The following MEGF11 variants were observed in gnomAD, a reference collection of about 807,000 sequenced individuals.
MEGF11 encodes multiple epidermal growth factor-like domains protein 11.
In MEGF11, 126 loss-of-function variants were observed where a neutral mutation model predicts 146.6. That is an observed-to-expected ratio of 0.86 (90% CI 0.74 to 1.00). The LOEUF is 1.00. Ranked by LOEUF, MEGF11 falls within the 50% of genes least tolerant of loss-of-function variation. MEGF11 has a pLI of 0.00. For synonymous variants in MEGF11, 532 were observed against 583.4 expected, an observed-to-expected ratio of 0.91 and a Z score of 1.27; for missense variants, 1,509 against 1,521.2, an observed-to-expected ratio of 0.99 and a Z score of 0.13.
At chr15:66,200,223 C>T (rs1305893944) in intron 1 of MEGF11, among the ~76,000 whole-genome samples, 1 of 152,226 alleles carries the variant, frequency 6.6e-6, no homozygotes, top group Non-Finnish European at 1.5e-5. Context: ...CCCTGCTTTA[C>T]GGAATCACAG....
chr15:66,054,952 A>G (rs28482835), intron 5 of MEGF11, among the ~76,000 whole-genome samples: 7,003 of 152,314 alleles, frequency 0.046, 251 homozygotes, highest in African/African-American at 0.1. Flanking sequence ...CAAGATTATA[A>G]AAGAGGCTAT....
chr15:65,974,501 A>T (rs2081390452), intron 7 of MEGF11, among the ~76,000 whole-genome samples: 1 of 152,136 alleles, frequency 6.6e-6, no homozygotes. Context: ...CTAGTAAAAA[A>T]TACAAAAATC....
At chr15:66,096,861 A>T (rs1313839369) in intron 4 of MEGF11, among the ~76,000 whole-genome samples, 1 of 152,168 alleles carries the variant, frequency 6.6e-6, no homozygotes, top group Non-Finnish European at 1.5e-5. Flanking sequence ...TCCACACTGC[A>T]CTGCCTTTTC....
chr15:66,216,520 A>T (rs905389751), intron 1 of MEGF11, among the ~76,000 whole-genome samples: 1 of 152,094 alleles, frequency 6.6e-6, no homozygotes, highest in Non-Finnish European at 1.5e-5. Flanking sequence ...GGAAGACAAG[A>T]TGCTTCCTGC....
At chr15:66,208,523 A>G (rs933438285) in intron 1 of MEGF11, among the ~76,000 whole-genome samples, 8 of 152,244 alleles carry the variant, frequency 5.3e-5, no homozygotes, top group African/African-American at 1.9e-4. Context: ...ACTAATTAAA[A>G]GAGAAATTGA....
At chr15:65,916,771 C>A in intron 17 of MEGF11, 57 bp downstream of exon 17, 1 of 1,587,756 alleles carries the variant, frequency 6.3e-7, no homozygotes. Flanking sequence ...CCCACAGTGG[C>A]CAGTAGGCCG....
At chr15:66,054,265 A>G (rs1313592448) in intron 5 of MEGF11, among the ~76,000 whole-genome samples, 1 of 152,166 alleles carries the variant, frequency 6.6e-6, no homozygotes. Flanking sequence ...ACTCTAGCCA[A>G]CCATGTGAAA....
At chr15:66,151,889 C>T (rs1440001603) in intron 1 of MEGF11, among the ~76,000 whole-genome samples, 11 of 152,266 alleles carry the variant, frequency 7.2e-5, no homozygotes, top group Non-Finnish European at 1.2e-4. Flanking sequence ...TGCCCAGATG[C>T]TCTTCATCAG....
chr15:66,002,259 GCTAC>G (rs1343200562), intron 5 of MEGF11, among the ~76,000 whole-genome samples: 1 of 152,160 alleles, frequency 6.6e-6, no homozygotes, highest in Non-Finnish European at 1.5e-5. Flanking sequence ...GTTCTAGCTG[GCTAC>G]CTGTCATCAC....
chr15:66,245,933 C>G (rs1272796827), intron 1 of MEGF11, among the ~76,000 whole-genome samples: 2 of 151,906 alleles, frequency 1.3e-5, no homozygotes, highest in African/African-American at 4.8e-5. Context: ...TTTCTCATGT[C>G]AGAAGGGAGA....
At chr15:66,128,136 A>G (rs894064001) in intron 2 of MEGF11, among the ~76,000 whole-genome samples, 170 bp downstream of exon 2, 3 of 151,082 alleles carry the variant, frequency 2.0e-5, no homozygotes, top group African/African-American at 7.3e-5. Flanking sequence ...GACCTTCCAG[A>G]CAGAATCTAC....
chr15:66,119,821 G>A (rs2087931179), intron 3 of MEGF11, among the ~76,000 whole-genome samples: 1 of 152,134 alleles, frequency 6.6e-6, no homozygotes, highest in African/African-American at 2.4e-5. Context: ...GGCCCATGGA[G>A]CTGCAGCACT....
At chr15:66,162,520 G>A (rs931840928) in intron 1 of MEGF11, among the ~76,000 whole-genome samples, 1 of 152,258 alleles carries the variant, frequency 6.6e-6, no homozygotes, top group South Asian at 2.1e-4. Flanking sequence ...AGATGCTAGA[G>A]ACAAAATAGT....
At chr15:66,014,785 C>T (rs1483266097) in intron 5 of MEGF11, among the ~76,000 whole-genome samples, 1 of 152,148 alleles carries the variant, frequency 6.6e-6, no homozygotes, top group African/African-American at 2.4e-5. Context: ...ACCAGCACTG[C>T]ACCTGTAGCA....
intron 5 of MEGF11, among the ~76,000 whole-genome samples, chr15:65,992,660 C>CTT (rs75056469): frequency 2.1e-5 from 3 of 142,342 alleles, no homozygotes; most frequent in African/African-American, 7.8e-5. Flanking sequence ...TTATCGGGGA[C>CTT]TTTTTTTTTT....
chr15:66,180,195 C>T (rs1443527378), intron 1 of MEGF11, among the ~76,000 whole-genome samples: 1 of 152,216 alleles, frequency 6.6e-6, no homozygotes, highest in Non-Finnish European at 1.5e-5. Context: ...TAGCCAGGGC[C>T]GTGCCCTGAC....
rs556741718 is a variant in MEGF11 at position 66,243,254 on chromosome 15, C to T, written c.-9+10351G>A. On this transcript the variant is annotated intron_variant, in intron 1 of 25. Transcript: ENST00000395614. Reference sequence around the variant, plus strand: ...GCATGTTCCCTGACAGTACAAGGGTCCCAGGTTGACGGTTGCCCATGGTGT... The same window carrying T: ...GCATGTTCCCTGACAGTACAAGGGTTCCAGGTTGACGGTTGCCCATGGTGT... 3.3e-5 allele frequency among the ~76,000 whole-genome samples: 5 copies of T among 152,298 alleles called. No homozygotes were observed. The East Asian group carries it at 9.6e-4, about 29-fold the overall frequency.
At chr15:66,178,364 G>A (rs186003989) in intron 1 of MEGF11, among the ~76,000 whole-genome samples, 2 of 152,266 alleles carry the variant, frequency 1.3e-5, no homozygotes, top group Admixed American at 6.5e-5. Flanking sequence ...CTGGGCAGTT[G>A]TCCAGCTCCA....
At position 65,957,567 on chromosome 15, in the gene MEGF11, T is replaced by G. The variant is rs1230652406; in HGVS notation, c.1267A>C (p.Thr423Pro). ...CTTACCATGAAGCCCGGAGCACAAG[T>G]GCAGCCCCCAGTGATGCTGTGGCAG... Reference protein sequence around the residue: ...ADCHSITGGCTCAPGFMGEVC... With the variant: ...ADCHSITGGCPCAPGFMGEVC... The change falls in exon 10 of 26, where the codon ACT (threonine) becomes CCT (proline). Residue 423 changes from threonine to proline, a missense_variant. Thr to Pro is a conservative substitution (Grantham distance 38, BLOSUM62 -1). Transcript: ENST00000395614. 6.2e-7 allele frequency: 1 copy of G among 1,613,542 alleles called. No individual in the cohort carries two copies. The highest frequency in any genetic ancestry group is 1.3e-5 in the African/African-American group (1 of 74,924).
Sources: gnomAD v4.1 joint callset for allele counts (sites outside exome capture counted in the v4.1 genomes callset) on GRCh38, gnomAD v4.1.1 for gene constraint, MANE v1.5 for transcripts, NCBI Gene and HGNC (gene_info 2026-07-23, HGNC 2026-07-21) for gene names.